The following SCMH1 variants were observed in gnomAD, a reference collection of about 807,000 sequenced individuals.
SCMH1 encodes the protein polycomb protein SCMH1.
A neutral mutation model predicts 70.8 loss-of-function variants in SCMH1; 37 were observed. That is an observed-to-expected ratio of 0.52 (90% CI 0.40 to 0.69). The LOEUF (loss-of-function observed/expected upper bound fraction) is 0.69, where lower values mean the gene tolerates loss of function less well. Ranked by LOEUF, SCMH1 falls within the 30% of genes least tolerant of loss-of-function variation. The pLI, the probability that SCMH1 is intolerant of heterozygous loss-of-function variation, is 0.00. For synonymous variants in SCMH1, 292 were observed against 307.4 expected, an observed-to-expected ratio of 0.95 and a Z score of 0.52; for missense variants, 607 against 827.3, an observed-to-expected ratio of 0.73 and a Z score of 3.27.
chr1:41,177,089 C>T (rs1054690442), intron 2 of SCMH1, among the ~76,000 whole-genome samples: 14 of 152,178 alleles, frequency 9.2e-5, no homozygotes, highest in African/African-American at 2.7e-4. Flanking sequence ...CACCAATATC[C>T]GCTGTTCTGC....
At chr1:41,159,779 T>G in intron 4 of SCMH1, 1 of 1,506,392 alleles carries the variant, frequency 6.6e-7, no homozygotes, top group South Asian at 1.3e-5. Flanking sequence ...AATGCTTCAC[T>G]TCAAAGAATG....
At chr1:41,048,951 C>T (rs1647160278) in intron 10 of SCMH1, 61 bp from the exon 11 acceptor site, 2 of 1,452,460 alleles carry the variant, frequency 1.4e-6, no homozygotes, top group South Asian at 2.6e-5. Context: ...AGTCAGAGAA[C>T]AGCATCCTAT....
At chr1:41,102,684 C>A (rs774397676) in intron 8 of SCMH1, among the ~76,000 whole-genome samples, 4 of 152,122 alleles carry the variant, frequency 2.6e-5, no homozygotes, top group Non-Finnish European at 5.9e-5. Context: ...ATTACTGAAA[C>A]TAAAAGGTGC....
chr1:41,204,960 T>G (rs945272152), intron 1 of SCMH1, among the ~76,000 whole-genome samples: 6 of 152,212 alleles, frequency 3.9e-5, no homozygotes, highest in Non-Finnish European at 8.8e-5. Flanking sequence ...AGTGGCTACT[T>G]ACTGAATTGA....
intron 4 of SCMH1, among the ~76,000 whole-genome samples, chr1:41,158,497 G>A (rs1307338842): frequency 6.6e-6 from 1 of 152,194 alleles, no homozygotes; most frequent in African/African-American, 2.4e-5. Flanking sequence ...CTTTTTGTTT[G>A]TTTCAGACAG....
At chr1:41,037,317 A>C (rs1157592077) in intron 13 of SCMH1, 45 bp downstream of exon 13, 1 of 1,583,462 alleles carries the variant, frequency 6.3e-7, no homozygotes, top group Non-Finnish European at 8.6e-7. Flanking sequence ...GAAGTGAAGG[A>C]AAGAGTGAGG....
Position 41,234,925 on chromosome 1 carries a change from G to A in SCMH1, c.-118+7134C>T, listed in dbSNP as rs1040046924. 3.4e-4 allele frequency among the ~76,000 whole-genome samples: 51 copies of A among 152,134 alleles called. 1 individual carries two copies. Among genetic ancestry groups the A allele is most frequent in the South Asian group, 2.1e-4 (1 of 4,824 alleles). The stretch of plus-strand genomic sequence containing the variant: ...AGTGTTCCCATAGTACTTTGAATAT[G>A]TTTCCACCACGCCAAGCTTATTTTT... On this transcript the variant is annotated intron_variant, in intron 1 of 14. Transcript: ENST00000337495.
At position 41,075,204 on chromosome 1, in the gene SCMH1, C is replaced by A. The variant is rs764649799; in HGVS notation, c.978+15G>T. The A allele has an allele frequency of 7.4e-6, 12 of 1,613,176 alleles. No individual in the cohort carries two copies. Among genetic ancestry groups the A allele is most frequent in the Admixed American group, 5.0e-5 (3 of 59,998 alleles). On this transcript the variant is annotated intron_variant, in intron 9 of 14. Transcript: ENST00000337495. ...AAACCCTTATTCCTTTCTGGGAAACCCACATTTTACCTACCTTGCTGCCAG... is the reference window on the plus strand; with the variant it reads ...AAACCCTTATTCCTTTCTGGGAAACACACATTTTACCTACCTTGCTGCCAG...
chr1:41,138,847 T>C (rs552770027), intron 6 of SCMH1, among the ~76,000 whole-genome samples: 2 of 152,328 alleles, frequency 1.3e-5, no homozygotes, highest in Non-Finnish European at 2.9e-5. Flanking sequence ...TATGTTTTTC[T>C]TCATATTGAA....
intron 1 of SCMH1, among the ~76,000 whole-genome samples, chr1:41,223,331 G>C (rs1659652696): frequency 6.6e-6 from 1 of 152,162 alleles, no homozygotes; most frequent in Non-Finnish European, 1.5e-5. Flanking sequence ...ATTGATAACT[G>C]TCCTATGGGT....
At chr1:41,227,444 C>T (rs1490317499) in intron 1 of SCMH1, among the ~76,000 whole-genome samples, 1 of 152,124 alleles carries the variant, frequency 6.6e-6, no homozygotes, top group Admixed American at 6.5e-5. Flanking sequence ...TTCTGACACA[C>T]GCTATAACAC....
At chr1:41,163,667 C>T (rs1410691860) in intron 2 of SCMH1, among the ~76,000 whole-genome samples, 3 of 152,080 alleles carry the variant, frequency 2.0e-5, no homozygotes, top group Admixed American at 6.5e-5. Flanking sequence ...GGAGTGAGGC[C>T]TCAGAAGAAA....
At chr1:41,176,604 T>C (rs913870748) in intron 2 of SCMH1, among the ~76,000 whole-genome samples, 6 of 152,178 alleles carry the variant, frequency 3.9e-5, no homozygotes, top group African/African-American at 1.4e-4. Flanking sequence ...GGAGATTATA[T>C]CCCGCGCCTG....
intron 8 of SCMH1, among the ~76,000 whole-genome samples, chr1:41,104,180 T>C (rs984415654): frequency 2.0e-5 from 3 of 152,186 alleles, no homozygotes; most frequent in Non-Finnish European, 4.4e-5. Flanking sequence ...ATTTCAATCA[T>C]TCAATCAACT....
intron 8 of SCMH1, among the ~76,000 whole-genome samples, chr1:41,099,858 T>G (rs886771530): frequency 5.9e-5 from 9 of 152,226 alleles, no homozygotes; most frequent in African/African-American, 2.2e-4. Context: ...TGTATGGGCT[T>G]GCTAAATGTT....
intron 13 of SCMH1, among the ~76,000 whole-genome samples, chr1:41,032,649 T>C (rs1411409367): frequency 6.6e-6 from 1 of 152,092 alleles, no homozygotes; most frequent in Non-Finnish European, 1.5e-5. Flanking sequence ...TCTATGTTGG[T>C]AACAGACTTC....
chr1:41,233,197 G>A (rs919135291), intron 1 of SCMH1, among the ~76,000 whole-genome samples: 2 of 142,878 alleles, frequency 1.4e-5, no homozygotes, highest in Admixed American at 9.3e-5. Context: ...CTATATATAA[G>A]CCATATATAT....
chr1:41,160,770 A>G (rs1645949183), intron 4 of SCMH1, 105 bp downstream of exon 4: 1 of 1,051,522 alleles, frequency 9.5e-7, no homozygotes, highest in Admixed American at 2.0e-5. Context: ...TTTCTGAGAC[A>G]GAGACACGTG....
chr1:41,157,957 T>C (rs994145665), intron 4 of SCMH1, among the ~76,000 whole-genome samples: 4 of 152,190 alleles, frequency 2.6e-5, no homozygotes, highest in Admixed American at 2.6e-4. Flanking sequence ...TCAATATGAG[T>C]TTCTGAGTGA....
Sources: gnomAD v4.1 joint callset for allele counts (sites outside exome capture counted in the v4.1 genomes callset) on GRCh38, gnomAD v4.1.1 for gene constraint, MANE v1.5 for transcripts, NCBI Gene and HGNC (gene_info 2026-07-23, HGNC 2026-07-21) for gene names.